The following ALOX5AP variants were observed in gnomAD, a reference collection of about 807,000 sequenced individuals.
The protein encoded by ALOX5AP is arachidonate 5-lipoxygenase-activating protein.
Under a neutral mutation model 18.5 loss-of-function variants are expected in ALOX5AP, and 9 were observed. The observed-to-expected ratio is 0.49, with a 90% CI of 0.29 to 0.85. ALOX5AP has a LOEUF of 0.85. Ranked by LOEUF, ALOX5AP falls within the 40% of genes least tolerant of loss-of-function variation. ALOX5AP has a pLI of 0.08. For missense variants in ALOX5AP, 172 were observed against 202.5 expected (o/e 0.85, Z 0.91); for synonymous variants, 81 against 78.6 (o/e 1.03, Z -0.16).
In ALOX5AP at chr13:30,724,342, A is replaced by G. The variant is rs576735018; in HGVS notation, c.116+10501A>G. Among the ~76,000 whole-genome samples the G allele has an allele frequency of 2.6e-5, 4 of 152,298 alleles. No individual in the cohort carries two copies. The South Asian group carries it at 6.2e-4, about 24-fold the overall frequency. The stretch of plus-strand genomic sequence containing the variant: ...AATTTGTTTATCCATTTACTGCCTG[A>G]TGGGCATTTGGTTGTTTCCAGCTTT... On this transcript the variant is annotated intron_variant, in intron 1 of 5. Coordinates refer to the ALOX5AP transcript ENST00000617770.
intron 1 of ALOX5AP, among the ~76,000 whole-genome samples, chr13:30,730,020 C>T (rs1333447907): frequency 6.6e-6 from 1 of 152,260 alleles, no homozygotes; most frequent in Non-Finnish European, 1.5e-5. Context: ...GCGGATACTA[C>T]ACTGGCTTCC....
chr13:30,715,217 A>G lies in ALOX5AP; in HGVS notation c.116+1376A>G, dbSNP rs142849308. On this transcript the variant is annotated intron_variant, in intron 1 of 5. Coordinates refer to the ALOX5AP transcript ENST00000617770. ...TATGGCCAAGTTCCTGGGGCTCTCC[A>G]AGCTTCACTTCCTCTGTAAAAAGGG... 3.1e-4 allele frequency among the ~76,000 whole-genome samples: 47 copies of G among 152,272 alleles called. No individual in the cohort carries two copies. In the East Asian group the frequency reaches 8.7e-3, roughly 28 times the overall value.
At chr13:30,725,615 T>C (rs1012779325) in intron 1 of ALOX5AP, among the ~76,000 whole-genome samples, 1 of 152,240 alleles carries the variant, frequency 6.6e-6, no homozygotes, top group Admixed American at 6.5e-5. Flanking sequence ...CATTGGACCA[T>C]TTCCATCATG....
chr13:30,747,101 GGGCA>G (rs1205899299), intron 2 of ALOX5AP, among the ~76,000 whole-genome samples: 2 of 152,230 alleles, frequency 1.3e-5, no homozygotes, highest in Non-Finnish European at 2.9e-5. Context: ...TCTCCCATGA[GGGCA>G]GAGCTGAGCC....
intron 1 of ALOX5AP, among the ~76,000 whole-genome samples, chr13:30,726,633 T>G (rs981890825): frequency 1.3e-5 from 2 of 152,204 alleles, no homozygotes; most frequent in Admixed American, 6.5e-5. Flanking sequence ...AGGAAGGTAA[T>G]AGTGTTGAAT....
intron 2 of ALOX5AP, 32 bp downstream of exon 2, chr13:30,744,191 G>C: frequency 6.3e-7 from 1 of 1,595,448 alleles, no homozygotes; most frequent in Non-Finnish European, 8.6e-7. Context: ...GCTAATAAGT[G>C]GGGGCATGGG....
chr13:30,754,005 C>T (rs921109698), intron 3 of ALOX5AP, among the ~76,000 whole-genome samples: 23 of 152,096 alleles, frequency 1.5e-4, no homozygotes, highest in Non-Finnish European at 2.2e-4. Flanking sequence ...TTTGGGAGGC[C>T]GAGGCAGGCA....
At chr13:30,719,403 T>C (rs1951576166) in intron 1 of ALOX5AP, among the ~76,000 whole-genome samples, 1 of 152,198 alleles carries the variant, frequency 6.6e-6, no homozygotes, top group African/African-American at 2.4e-5. Flanking sequence ...GGGATAATCA[T>C]ACCGCTTCAA....
chr13:30,713,631 A>C, exon 1 of ALOX5AP: 1 of 879,316 alleles, frequency 1.1e-6, no homozygotes, highest in Admixed American at 2.2e-5. Context: ...CCCGTTTTTG[A>C]AGAGGAGGAC....
exon 1 of ALOX5AP, chr13:30,713,616 C>A: frequency 1.3e-6 from 1 of 770,098 alleles, no homozygotes; most frequent in Non-Finnish European, 2.1e-6. Context: ...CACCTCCTCT[C>A]ATCTCCCGTT....
chr13:30,724,278 T>G (rs999833699), intron 1 of ALOX5AP, among the ~76,000 whole-genome samples: 1 of 152,280 alleles, frequency 6.6e-6, no homozygotes, highest in African/African-American at 2.4e-5. Context: ...TAGTTTGTTC[T>G]TTTTATTACT....
chr13:30,755,696 A>G (rs1042354501), intron 3 of ALOX5AP, among the ~76,000 whole-genome samples: 6 of 152,226 alleles, frequency 3.9e-5, no homozygotes, highest in African/African-American at 7.2e-5. Context: ...ATTCAAAGCC[A>G]TCCTGGGCCA....
chr13:30,762,810 CT>C (rs1158735671), intron 4 of ALOX5AP, among the ~76,000 whole-genome samples: 1 of 152,088 alleles, frequency 6.6e-6, no homozygotes, highest in East Asian at 1.9e-4. Context: ...TTCCCAGGAT[CT>C]TTACTAACAA....
chr13:30,726,849 C>T (rs1210564004), intron 1 of ALOX5AP, among the ~76,000 whole-genome samples: 1 of 151,928 alleles, frequency 6.6e-6, no homozygotes, highest in African/African-American at 2.4e-5. Context: ...TTTTCCTATT[C>T]CTCTACTTAA....
chr13:30,728,575 C>T (rs1170480414), intron 1 of ALOX5AP, among the ~76,000 whole-genome samples: 2 of 152,132 alleles, frequency 1.3e-5, no homozygotes, highest in Non-Finnish European at 2.9e-5. Context: ...AATGAAATTT[C>T]TAGGACATAT....
intron 1 of ALOX5AP, among the ~76,000 whole-genome samples, chr13:30,728,400 T>G (rs866247117): frequency 6.6e-6 from 1 of 152,244 alleles, no homozygotes; most frequent in South Asian, 2.1e-4. Context: ...GACTGTTTAA[T>G]CAACCTCCAT....
upstream of ALOX5AP, among the ~76,000 whole-genome samples, chr13:30,732,764 TAAGAG>T (rs1951691520): frequency 6.6e-6 from 1 of 151,444 alleles, no homozygotes; most frequent in South Asian, 2.1e-4. Flanking sequence ...TTTGACATGC[TAAGAG>T]AAGCTGAGAG....
chr13:30,761,616 G>T (rs17238962), intron 4 of ALOX5AP, among the ~76,000 whole-genome samples: 9,883 of 152,200 alleles, frequency 0.065, 452 homozygotes, highest in Non-Finnish European at 0.1. Flanking sequence ...CTGCAGCCTG[G>T]GGGGCTCAAA....
upstream of ALOX5AP, among the ~76,000 whole-genome samples, chr13:30,732,942 T>G (rs1264576409): frequency 6.6e-6 from 1 of 151,536 alleles, no homozygotes. Context: ...GATCACGAGG[T>G]CAGGAGATCG....
Sources: allele counts gnomAD v4.1 joint callset (sites outside exome capture counted in the v4.1 genomes callset), GRCh38; gene constraint gnomAD v4.1.1; transcripts MANE v1.5; gene names NCBI Gene and HGNC (gene_info 2026-07-23, HGNC 2026-07-21).